The following NSD1 variants were observed in gnomAD, a reference collection of about 807,000 sequenced individuals.
The protein encoded by NSD1 is nuclear receptor binding SET domain protein 1, also known as histone-lysine N-methyltransferase, H3 lysine-36 specific.
In NSD1, 26 loss-of-function variants were observed where a neutral mutation model predicts 242.7. The ratio of observed to expected loss-of-function variants is 0.11; its 90% confidence interval spans 0.08 to 0.15. NSD1 has a LOEUF of 0.15. NSD1 is among the 10% of genes least tolerant of loss of function. The pLI is 1.00. For synonymous variants in NSD1, 1,106 were observed against 1,178.1 expected (o/e 0.94, Z 1.25); for missense variants, 2,495 against 3,272.8 (o/e 0.76, Z 5.80).
At position 177,166,323 on chromosome 5, in the gene NSD1, G is replaced by A. The variant is rs369881484; in HGVS notation, c.928-25561G>A. Among the ~76,000 whole-genome samples, 10 of 151,936 alleles carry A rather than the reference G, an allele frequency of 6.6e-5. No individual in the cohort carries two copies. In the East Asian group the frequency reaches 1.2e-3, roughly 18 times the overall value. ...AGCACTTTGGGAGGCTGAGGTGGGCGGATCTCTTGAGCTCAGGAGTTCAAG... is the reference window on the plus strand; with the variant it reads ...AGCACTTTGGGAGGCTGAGGTGGGCAGATCTCTTGAGCTCAGGAGTTCAAG... On this transcript the variant is annotated intron_variant, in intron 2 of 22. Coordinates refer to ENST00000439151, the MANE Select transcript of NSD1 (RefSeq NM_022455.5).
At chr5:177,233,295 C>T (rs948073309) in intron 5 of NSD1, among the ~76,000 whole-genome samples, 3 of 151,944 alleles carry the variant, frequency 2.0e-5, no homozygotes, top group Non-Finnish European at 2.9e-5. Flanking sequence ...TATTGAATTC[C>T]TGGGCTCAAG....
At position 177,238,667 on chromosome 5, in the gene NSD1, TACTA is replaced by T. The variant is rs887575719; in HGVS notation, c.4192+163_4192+166del. ...AAAATGATGGTTAATTAGATATAGTTACTAACCATGAACTGTGGCACACTATCAA... is the reference window on the plus strand; with the variant it reads ...AAAATGATGGTTAATTAGATATAGTTACCATGAACTGTGGCACACTATCAA... On this transcript the variant is annotated intron_variant, in intron 7 of 22. Coordinates refer to ENST00000439151, the MANE Select transcript of NSD1 (RefSeq NM_022455.5). This position sits in a 1 kb window ranked among gnomAD's most constrained non-coding sequence, Gnocchi z 4.6. Among the ~76,000 whole-genome samples the T allele has an allele frequency of 2.0e-5, 3 of 152,310 alleles. No individual in the cohort carries two copies. The East Asian group carries it at 5.8e-4, about 29-fold the overall frequency.
chr5:177,154,231 G>C (rs1389212182), intron 2 of NSD1, among the ~76,000 whole-genome samples: 1 of 152,020 alleles, frequency 6.6e-6, no homozygotes, highest in Non-Finnish European at 1.5e-5. Context: ...GCAGGAAGAT[G>C]CAGTAACTTT....
Position 177,141,221 on chromosome 5 carries a change from C to T in NSD1, c.927+5191C>T, listed in dbSNP as rs1257546441. 9.3e-5 allele frequency among the ~76,000 whole-genome samples: 14 copies of T among 151,184 alleles called. No homozygotes were observed. The East Asian group carries it at 2.3e-3, about 25-fold the overall frequency. Reference sequence around the variant, plus strand: ...ATTTTTAGTAGAGACGGGGTTTCACCATCTTGGCCAGGCTGGTCTTGAACT... The same window carrying T: ...ATTTTTAGTAGAGACGGGGTTTCACTATCTTGGCCAGGCTGGTCTTGAACT... On this transcript the variant is annotated intron_variant, in intron 2 of 22. Coordinates refer to ENST00000439151, the MANE Select transcript of NSD1 (RefSeq NM_022455.5).
In NSD1 at chr5:177,257,695, C is replaced by T. The variant is rs185766694; in HGVS notation, c.4966+544C>T. 9.7e-4 allele frequency among the ~76,000 whole-genome samples: 147 copies of T among 152,132 alleles called. 2 individuals are homozygous for T. The highest frequency in any genetic ancestry group is 9.0e-3 in the Admixed American group (138 of 15,258). ...AGGGCTCCATAGAACACAATGTGGTCGTGTGGTAGGGTATTAAATATTTGG... is the reference window on the plus strand; with the variant it reads ...AGGGCTCCATAGAACACAATGTGGTTGTGTGGTAGGGTATTAAATATTTGG... On this transcript the variant is annotated intron_variant, in intron 13 of 22. Transcript: ENST00000439151.
intron 3 of NSD1, among the ~76,000 whole-genome samples, chr5:177,202,663 G>A (rs1055847010): frequency 1.3e-5 from 2 of 152,096 alleles, no homozygotes; most frequent in Non-Finnish European, 2.9e-5. Flanking sequence ...ACAGGTGTGA[G>A]CCCCTACACC....
chr5:177,190,327 C>A (rs968803734), intron 2 of NSD1, among the ~76,000 whole-genome samples: 1 of 151,948 alleles, frequency 6.6e-6, no homozygotes, highest in Admixed American at 6.6e-5. Flanking sequence ...TTGCCCAGGC[C>A]GGCGTGCAGT....
In NSD1 at chr5:177,221,224, A is replaced by G. The variant is rs569350356; in HGVS notation, c.3796+9029A>G. Among the ~76,000 whole-genome samples the G allele has an allele frequency of 4.6e-5, 7 of 150,846 alleles. No individual in the cohort carries two copies. The South Asian group carries it at 1.3e-3, about 27-fold the overall frequency. On this transcript the variant is annotated intron_variant, in intron 5 of 22. Transcript: ENST00000439151. Reference sequence around the variant, plus strand: ...TTACAGACAAAGATTTGTTATTACCATTTTGCTAATTGTTTCTCGTCTGGT... The same window carrying G: ...TTACAGACAAAGATTTGTTATTACCGTTTTGCTAATTGTTTCTCGTCTGGT...
chr5:177,237,333 T>G (rs909904174), intron 6 of NSD1, among the ~76,000 whole-genome samples: 2 of 152,146 alleles, frequency 1.3e-5, no homozygotes, highest in South Asian at 2.1e-4. Context: ...CTTCTTTCTT[T>G]CCCATTAATT....
At chr5:177,223,668 G>C (rs1764414452) in intron 5 of NSD1, among the ~76,000 whole-genome samples, 1 of 152,108 alleles carries the variant, frequency 6.6e-6, no homozygotes, top group South Asian at 2.1e-4. Context: ...TAGTCAGTTG[G>C]TCATAACTAC....
chr5:177,185,858 A>G (rs1269807056), intron 2 of NSD1, among the ~76,000 whole-genome samples: 1 of 87,922 alleles, frequency 1.1e-5, no homozygotes. Flanking sequence ...TATATTATAT[A>G]TTATATATTT....
intron 14 of NSD1, among the ~76,000 whole-genome samples, chr5:177,260,988 C>T (rs771427222): frequency 3.3e-5 from 5 of 152,052 alleles, no homozygotes; most frequent in Non-Finnish European, 7.4e-5. Flanking sequence ...GATTTGTGAA[C>T]TTTAGTTATA....
intron 22 of NSD1, among the ~76,000 whole-genome samples, chr5:177,292,678 C>T (rs1759938110): frequency 6.6e-6 from 1 of 152,180 alleles, no homozygotes; most frequent in Admixed American, 6.5e-5. Flanking sequence ...TCCCCCCATG[C>T]AGAGTAGACT....
chr5:177,263,298 G>A (rs1474120302), intron 14 of NSD1, among the ~76,000 whole-genome samples: 1 of 152,222 alleles, frequency 6.6e-6, no homozygotes, highest in Non-Finnish European at 1.5e-5. Context: ...TGTAAAAGAA[G>A]AATTTTCCTT....
Position 177,211,874 on chromosome 5 carries a change from C to T in NSD1, c.3475C>T (p.Arg1159Trp), listed in dbSNP as rs137888392. The change falls in exon 5 of 23, where the codon CGG becomes TGG. Residue 1159 changes from arginine to tryptophan, a missense_variant. Coordinates refer to ENST00000439151, the MANE Select transcript of NSD1 (RefSeq NM_022455.5). The stretch of plus-strand genomic sequence containing the variant: ...TGTAAATCAAGTGGTGCCTAAAAAG[C>T]GGTGGCAGCGTTTAAACCAAAGGCG... ...NGVNQVVPKK[R>W]WQRLNQRRTK... 2.0e-5 allele frequency: 32 copies of T among 1,612,000 alleles called. No individual in the cohort carries two copies. Among genetic ancestry groups the T allele is most frequent in the East Asian group, 2.2e-5 (1 of 44,878 alleles).
At chr5:177,181,548 C>T (rs781742706) in intron 2 of NSD1, among the ~76,000 whole-genome samples, 3 of 150,656 alleles carry the variant, frequency 2.0e-5, no homozygotes, top group Admixed American at 6.6e-5. Context: ...GCCTCAGCCT[C>T]CTGAATAGCT....
chr5:177,185,808 A>T (rs868730871), intron 2 of NSD1, among the ~76,000 whole-genome samples: 21 of 57,034 alleles, frequency 3.7e-4, no homozygotes, highest in East Asian at 1.2e-3. Context: ...TATATATATA[A>T]ATTTATATAT....
chr5:177,167,762 C>T (rs1282833273), intron 2 of NSD1, among the ~76,000 whole-genome samples: 1 of 152,092 alleles, frequency 6.6e-6, no homozygotes, highest in Non-Finnish European at 1.5e-5. Context: ...CTTATCTGGA[C>T]GTAAGCACAT....
At chr5:177,212,236 A>G (rs771019687) in intron 5 of NSD1, 41 bp downstream of exon 5, 3 of 1,588,964 alleles carry the variant, frequency 1.9e-6, no homozygotes, top group East Asian at 2.3e-5. Context: ...AAAATTGGAG[A>G]AAGTGCTGAT....
Sources: allele counts gnomAD v4.1 joint callset (sites outside exome capture counted in the v4.1 genomes callset), GRCh38; gene constraint gnomAD v4.1.1; non-coding constraint Gnocchi (gnomAD v3.1); transcripts MANE v1.5; gene names NCBI Gene and HGNC (gene_info 2026-07-23, HGNC 2026-07-21).